LRRC7: variants seen among roughly 807,000 people sequenced by gnomAD.
LRRC7 encodes leucine-rich repeat-containing protein 7.
Under a neutral mutation model 175.7 loss-of-function variants are expected in LRRC7, and 23 were observed. That is an observed-to-expected ratio of 0.13 (90% confidence interval 0.09 to 0.19). The LOEUF is 0.19. LRRC7 is among the 10% of genes least tolerant of loss of function. The pLI, the probability that LRRC7 is intolerant of heterozygous loss-of-function variation, is 1.00. For missense variants in LRRC7, 1,354 were observed against 1,904.7 expected, an observed-to-expected ratio of 0.71 and a Z score of 5.38; for synonymous variants, 685 against 680.9, an observed-to-expected ratio of 1.01 and a Z score of -0.09.
In LRRC7 at chr1:70,128,453, T is replaced by A. The variant is rs1452378701; in HGVS notation, c.*6566T>A. On this transcript the variant is annotated 3_prime_UTR_variant, in exon 27 of 27. Coordinates refer to ENST00000651989, the MANE Select transcript of LRRC7 (RefSeq NM_001370785.2). ...CAGGTTGAATAAGCAGCCTAACAAA[T>A]AGCCAAGTATCTTTACATCCAGAGT... is the stretch of plus-strand genomic sequence containing the variant. 1 of 152,188 alleles carries A rather than the reference T, an allele frequency of 6.6e-6. No individual in the cohort carries two copies. Among genetic ancestry groups the A allele is most frequent in the Non-Finnish European group, 1.5e-5 (1 of 68,020 alleles). 9.4% of individuals were successfully genotyped at this position (152,188 alleles called of 1,614,324 possible). A position where few individuals can be genotyped will look rare whatever the true frequency, so the allele number is the denominator to read the frequency against.
chr1:69,792,121 A>G lies in LRRC7; in HGVS notation c.382A>G (p.Ser128Gly). 1 of 1,608,900 alleles carries G rather than the reference A, an allele frequency of 6.2e-7. No individual in the cohort carries two copies. The part of the protein sequence containing the change: ...DLSNLPTTIA[S>G]LVNLKELDIS... Reference sequence around the variant, plus strand: ...TTCAAATCTGCCAACCACTATTGCTAGTTTAGTTAATCTTAAAGAACTCGA... The same window carrying G: ...TTCAAATCTGCCAACCACTATTGCTGGTTTAGTTAATCTTAAAGAACTCGA... Residue 128 changes from serine to glycine, a missense_variant, in exon 4 of 27, where the codon AGT (serine) becomes GGT (glycine). Ser to Gly is a moderately conservative substitution (Grantham distance 56). Transcript: ENST00000651989.
At chr1:69,926,117 G>A (rs2101752567) in intron 7 of LRRC7, among the ~76,000 whole-genome samples, 1 of 151,494 alleles carries the variant, frequency 6.6e-6, no homozygotes, top group Admixed American at 6.6e-5. Context: ...GGTTTTGAGT[G>A]AGTTTGTTAG....
chr1:70,011,461 CA>C (rs1342776787), intron 11 of LRRC7, among the ~76,000 whole-genome samples: 1 of 152,076 alleles, frequency 6.6e-6, no homozygotes, highest in East Asian at 1.9e-4. Context: ...CTCCTTACCC[CA>C]TGACAGTTAT....
At chr1:69,597,724 G>A (rs1646899025) in intron 1 of LRRC7, among the ~76,000 whole-genome samples, 2 of 152,160 alleles carry the variant, frequency 1.3e-5, no homozygotes, top group East Asian at 3.9e-4. Context: ...ATACAAAGTA[G>A]AGCTATCCGA....
In LRRC7 at chr1:70,142,129, A is replaced by G. The variant is rs1667085664; in HGVS notation, c.*20242A>G. On this transcript the variant is annotated 3_prime_UTR_variant, in exon 27 of 27. Transcript: ENST00000651989. ...GCAGACAACATAAAGCAGCTCCCAT[A>G]TCTGCTAGAAAGGTCATTAATTTTC... The G allele has an allele frequency of 6.6e-6, 1 of 152,118 alleles. No homozygotes were observed. Among genetic ancestry groups the G allele is most frequent in the African/African-American group, 2.4e-5 (1 of 41,444 alleles). The allele number at this position is 152,118 out of a possible 1,614,324, so 9.4% of individuals were successfully genotyped here. A position where few individuals can be genotyped will look rare whatever the true frequency, so the allele number is the denominator to read the frequency against.
intron 7 of LRRC7, among the ~76,000 whole-genome samples, chr1:69,901,429 T>C (rs759351717): frequency 2.7e-5 from 4 of 146,872 alleles, no homozygotes; most frequent in Non-Finnish European, 4.5e-5. Context: ...TTATTTCTCC[T>C]TGTTTCATTT....
chr1:69,959,401 G>T (rs1313121483), intron 8 of LRRC7, among the ~76,000 whole-genome samples: 1 of 152,048 alleles, frequency 6.6e-6, no homozygotes, highest in Non-Finnish European at 1.5e-5. Flanking sequence ...AATAACTGTG[G>T]CAGAGGAATT....
At position 70,040,641 on chromosome 1, in the gene LRRC7, T is replaced by C. The variant is rs185590820; in HGVS notation, c.3969+848T>C. Among the ~76,000 whole-genome samples, 129 of 152,020 alleles carry C rather than the reference T, an allele frequency of 8.5e-4. 1 individual carries two copies. Among genetic ancestry groups the C allele is most frequent in the South Asian group, 1.5e-3 (7 of 4,802 alleles). ...GCCTGGCCAACATGGTAAAACCCCATCTCTACTTAAAATACAAAAAAAATT... is the reference window on the plus strand; with the variant it reads ...GCCTGGCCAACATGGTAAAACCCCACCTCTACTTAAAATACAAAAAAAATT... On this transcript the variant is annotated intron_variant, in intron 21 of 26. Transcript: ENST00000651989.
At position 70,136,063 on chromosome 1, in the gene LRRC7, CTGTGTGTGTGTCTG is replaced by C. The variant is rs1026258992; in HGVS notation, c.*14188_*14201del. Among the ~76,000 whole-genome samples the C allele has an allele frequency of 8.1e-5, 6 of 73,760 alleles. No individual in the cohort carries two copies. The highest frequency in any genetic ancestry group is 1.3e-4 in the Non-Finnish European group (5 of 38,952). 48.4% of individuals were successfully genotyped at this position (73,760 alleles called of 152,430 possible). Reference sequence around the variant, plus strand: ...AATATCTCTCTCTCTCTGTGTGTGTCTGTGTGTGTGTCTGTGTGTGTGTGTGTGTGTGTGTCTAT... The same window carrying C: ...AATATCTCTCTCTCTCTGTGTGTGTCTGTGTGTGTGTGTGTGTGTGTCTAT... On this transcript the variant is annotated 3_prime_UTR_variant, in exon 27 of 27. Transcript: ENST00000651989.
chr1:69,590,858 C>G (rs1157773668), intron 1 of LRRC7, among the ~76,000 whole-genome samples: 1 of 152,052 alleles, frequency 6.6e-6, no homozygotes, highest in Non-Finnish European at 1.5e-5. Flanking sequence ...AATGTAGCCT[C>G]TCTGAGTTCT....
At chr1:69,919,872 C>T (rs1446484262) in intron 7 of LRRC7, 1 of 656,812 alleles carries the variant, frequency 1.5e-6, no homozygotes, top group Non-Finnish European at 2.7e-6. Context: ...CCTCGGGGTT[C>T]CCCCGCTGCC....
chr1:69,938,995 T>TTTTATATATA (rs1553178449), intron 8 of LRRC7, among the ~76,000 whole-genome samples: 17 of 97,582 alleles, frequency 1.7e-4, no homozygotes, highest in African/African-American at 6.7e-4. Context: ...AGGCTGTAGA[T>TTTTATATATA]TATATATATA....
intron 1 of LRRC7, among the ~76,000 whole-genome samples, chr1:69,601,176 T>C (rs911289629): frequency 5.3e-5 from 8 of 152,208 alleles, no homozygotes; most frequent in Admixed American, 1.3e-4. Context: ...AGGTGTACTA[T>C]TGCGGTAAGA....
intron 3 of LRRC7, among the ~76,000 whole-genome samples, chr1:69,783,831 TATC>T (rs1674084951): frequency 6.7e-6 from 1 of 150,230 alleles, no homozygotes; most frequent in Admixed American, 6.6e-5. Flanking sequence ...CCTTACTTCA[TATC>T]ATTCTCAAAA....
intron 7 of LRRC7, among the ~76,000 whole-genome samples, chr1:69,888,730 A>T (rs1323390163): frequency 3.9e-5 from 6 of 152,148 alleles, no homozygotes; most frequent in African/African-American, 1.4e-4. Context: ...TAAAAAAAAA[A>T]CAGACAGAAG....
intron 1 of LRRC7, among the ~76,000 whole-genome samples, chr1:69,651,734 C>T (rs1320942077): frequency 6.6e-6 from 1 of 152,014 alleles, no homozygotes; most frequent in Non-Finnish European, 1.5e-5. Context: ...ATTCCCAACA[C>T]CAAGAGAGAA....
In LRRC7 at chr1:70,134,624, C is replaced by A. The variant is rs1291731805; in HGVS notation, c.*12737C>A. Among the ~76,000 whole-genome samples, 1 of 152,034 alleles carries A rather than the reference C, an allele frequency of 6.6e-6. No homozygotes were observed. Among genetic ancestry groups the A allele is most frequent in the African/African-American group, 2.4e-5 (1 of 41,404 alleles). ...CATTTATATCCTCTGGTGTTTTCCT[C>A]CAAAAAAAACAATTTCCTTCTAGCC... On this transcript the variant is annotated 3_prime_UTR_variant, in exon 27 of 27. Transcript: ENST00000651989.
chr1:69,728,934 A>G (rs1271801209), intron 2 of LRRC7, among the ~76,000 whole-genome samples: 3 of 152,134 alleles, frequency 2.0e-5, no homozygotes, highest in Admixed American at 1.3e-4. Context: ...ACAATTCAGC[A>G]TGGCTGAGGA....
At chr1:69,570,874 G>T (rs917519785) in intron 1 of LRRC7, among the ~76,000 whole-genome samples, 3 of 152,096 alleles carry the variant, frequency 2.0e-5, no homozygotes, top group Non-Finnish European at 2.9e-5. Flanking sequence ...GGTGTCTCAG[G>T]CCTGTGGAAA....
Sources: gnomAD v4.1 joint callset for allele counts (sites outside exome capture counted in the v4.1 genomes callset) on GRCh38, gnomAD v4.1.1 for gene constraint, MANE v1.5 for transcripts, NCBI Gene and HGNC (gene_info 2026-07-23, HGNC 2026-07-21) for gene names.